Variants in COL15A1 observed in about 807,000 individuals in gnomAD.
The protein encoded by COL15A1 is collagen alpha-1(XV) chain.
Under a neutral mutation model 165.9 loss-of-function variants are expected in COL15A1, and 111 were observed. The observed-to-expected ratio is 0.67, with a 90% CI of 0.57 to 0.78. The LOEUF is 0.78. Ranked by LOEUF, COL15A1 falls within the 30% of genes least tolerant of loss-of-function variation. The pLI, the probability that COL15A1 is intolerant of heterozygous loss-of-function variation, is 0.00. For synonymous variants in COL15A1, 659 were observed against 674.8 expected, an observed-to-expected ratio of 0.98 and a Z score of 0.36; for missense variants, 1,745 against 1,789.7, an observed-to-expected ratio of 0.98 and a Z score of 0.45.
At chr9:98,963,123 A>C (rs1465094748) in intron 2 of COL15A1, among the ~76,000 whole-genome samples, 2 of 152,236 alleles carry the variant, frequency 1.3e-5, no homozygotes, top group Non-Finnish European at 2.9e-5. Flanking sequence ...GCTCAGGTTC[A>C]AGATTTCCAA....
At position 99,044,758 on chromosome 9, in the gene COL15A1, C is replaced by G. The variant is rs1446000662; in HGVS notation, c.2667C>G (p.Ala889=). The G allele has an allele frequency of 6.2e-7, 1 of 1,613,750 alleles. No individual in the cohort carries two copies. The highest frequency in any genetic ancestry group is 2.2e-5 in the East Asian group (1 of 44,888). ...GKKGEPGMHG[A]PGPMGPKGPP... Reference sequence around the variant, plus strand: ...AGGGTGAACCTGGAATGCATGGAGCCCCAGGACCAATGGTAAGTCAGAGCG... The same window carrying G: ...AGGGTGAACCTGGAATGCATGGAGCGCCAGGACCAATGGTAAGTCAGAGCG... The change falls in exon 26 of 42, where the codon GCC becomes GCG. Residue 889 remains alanine, a synonymous_variant. Coordinates refer to ENST00000375001, the MANE Select transcript of COL15A1 (RefSeq NM_001855.5).
At chr9:98,959,516 A>G (rs1174062712) in intron 2 of COL15A1, among the ~76,000 whole-genome samples, 2 of 152,194 alleles carry the variant, frequency 1.3e-5, no homozygotes, top group Non-Finnish European at 2.9e-5. Flanking sequence ...CTCAAATGGA[A>G]CCACTCTTAG....
chr9:98,956,886 C>T (rs1216110482), intron 2 of COL15A1, among the ~76,000 whole-genome samples: 2 of 152,224 alleles, frequency 1.3e-5, no homozygotes, highest in South Asian at 2.1e-4. Flanking sequence ...CTCGGTGATT[C>T]GTGTGCACTT....
chr9:99,022,856 G>A (rs1045923248), intron 13 of COL15A1, among the ~76,000 whole-genome samples: 4 of 152,220 alleles, frequency 2.6e-5, no homozygotes, highest in Non-Finnish European at 5.9e-5. Context: ...TGCACTGAGG[G>A]CTCTCTGGGT....
At chr9:99,044,358 AT>A (rs1478599589) in intron 24 of COL15A1, among the ~76,000 whole-genome samples, 3 of 152,140 alleles carry the variant, frequency 2.0e-5, no homozygotes, top group Non-Finnish European at 4.4e-5. Flanking sequence ...GAGAACATTC[AT>A]TCATTTAGGA....
chr9:99,006,383 G>A (rs888144861), intron 9 of COL15A1, among the ~76,000 whole-genome samples: 8 of 152,258 alleles, frequency 5.3e-5, no homozygotes, highest in Non-Finnish European at 1.0e-4. Context: ...TGCTGAGTGA[G>A]TGAATGGCTG....
chr9:99,023,275 A>T, intron 13 of COL15A1, 82 bp from the exon 14 acceptor site: 3 of 1,483,580 alleles, frequency 2.0e-6, no homozygotes, highest in Non-Finnish European at 2.7e-6. Context: ...ACATTTCCCC[A>T]TTTTGGAGAA....
intron 13 of COL15A1, among the ~76,000 whole-genome samples, chr9:99,022,463 G>A (rs556475784): frequency 6.6e-6 from 1 of 152,252 alleles, no homozygotes; most frequent in South Asian, 2.1e-4. Context: ...CCATCTATGT[G>A]GTCACCAAGA....
chr9:99,054,697 G>C, intron 32 of COL15A1, 41 bp downstream of exon 32: 1 of 1,584,958 alleles, frequency 6.3e-7, no homozygotes, highest in Non-Finnish European at 8.6e-7. Flanking sequence ...TTGATTTTTT[G>C]CTCCTGAGAA....
rs777102192 is a variant in COL15A1 at position 99,035,425 on chromosome 9, C to T, written c.2289+7C>T. On this transcript the variant is annotated splice_region_variant and intron_variant, in intron 19 of 41. Transcript: ENST00000375001. ...CAGACCAACGGCTGCAATTGTAGGT[C>T]GCCTCTGAAACCTTCATTATGAGGG... 39 of 1,613,970 alleles carry T rather than the reference C, an allele frequency of 2.4e-5. No individual in the cohort carries two copies. The highest frequency in any genetic ancestry group is 6.7e-5 in the African/African-American group (5 of 74,924).
In COL15A1 at chr9:99,063,090, C is replaced by T. The variant is rs185270581; in HGVS notation, c.3632C>T (p.Ala1211Val). ...LLPPPNPISS[A>V]NYEKPALHLA... ...CCTCCACCAAACCCTATTTCAAGTG[C>T]CAATTATGAGAAGCCTGCTGTAAGT... Residue 1211 changes from alanine to valine, a missense_variant, in exon 39 of 42, where the codon GCC becomes GTC. Coordinates refer to ENST00000375001, the MANE Select transcript of COL15A1 (RefSeq NM_001855.5). 1.1e-3 allele frequency: 1,700 copies of T among 1,581,698 alleles called. 24 individuals carry two copies. In the South Asian group the frequency reaches 0.011, roughly 10 times the overall value.
intron 2 of COL15A1, among the ~76,000 whole-genome samples, chr9:98,961,149 T>A (rs1298805574): frequency 1.3e-5 from 2 of 152,220 alleles, no homozygotes; most frequent in African/African-American, 2.4e-5. Context: ...TCCATTTGTT[T>A]ACCCACTTTT....
At position 99,016,082 on chromosome 9, in the gene COL15A1, C is replaced by T. The variant is rs769129418; in HGVS notation, c.1610C>T (p.Pro537Leu). ...CCTCCCCCTGATGGGCCACCGCTGC[C>T]CCTGCCCACAGTGGCTCCTGAAAGA... ...GSPPPDGPPL[P>L]LPTVAPERWI... The change falls in exon 11 of 42, where the codon CCC becomes CTC. Residue 537 changes from proline (P) to leucine (L), a missense_variant. Pro to Leu is a moderately conservative substitution (Grantham distance 98, BLOSUM62 -3). Transcript: ENST00000375001. 1.2e-5 allele frequency: 19 copies of T among 1,613,654 alleles called. No individual in the cohort carries two copies. The South Asian group carries it at 2.1e-4, about 18-fold the overall frequency.
chr9:99,060,061 T>C (rs1825784740), intron 36 of COL15A1, 108 bp downstream of exon 36: 1 of 1,184,068 alleles, frequency 8.4e-7, no homozygotes, highest in Non-Finnish European at 1.2e-6. Context: ...CAGGCCTTCA[T>C]GATAGTAGGC....
At position 99,001,696 on chromosome 9, in the gene COL15A1, T is replaced by C. The variant is rs535762055; in HGVS notation, c.1065+745T>C. Reference sequence around the variant, plus strand: ...TATTTTCTTACTTCTCTCTCCTCCTTATCCTCATGATCTCCCCATCCTCTA... The same window carrying C: ...TATTTTCTTACTTCTCTCTCCTCCTCATCCTCATGATCTCCCCATCCTCTA... On this transcript the variant is annotated intron_variant, in intron 7 of 41. Coordinates refer to ENST00000375001, the MANE Select transcript of COL15A1 (RefSeq NM_001855.5). Among the ~76,000 whole-genome samples the C allele has an allele frequency of 3.3e-5, 5 of 152,296 alleles. No homozygotes were observed. The South Asian group carries it at 1.0e-3, about 32-fold the overall frequency.
At chr9:99,069,604 A>G (rs1017819508) in intron 41 of COL15A1, 69 bp from the exon 42 acceptor site, 1 of 1,565,260 alleles carries the variant, frequency 6.4e-7, no homozygotes, top group African/African-American at 1.4e-5. Flanking sequence ...ACTTATGCCA[A>G]TTTGCTTACC....
chr9:99,048,816 G>C (rs956495371), intron 28 of COL15A1, among the ~76,000 whole-genome samples: 1 of 150,838 alleles, frequency 6.6e-6, no homozygotes, highest in Non-Finnish European at 1.5e-5. Context: ...CAGGGATCTT[G>C]TTTTACATAA....
intron 35 of COL15A1, 98 bp downstream of exon 35, chr9:99,056,502 G>A: frequency 6.8e-6 from 10 of 1,471,732 alleles, no homozygotes; most frequent in Non-Finnish European, 9.0e-6. Context: ...CTGCCTAACA[G>A]AGGGCTTTCC....
intron 41 of COL15A1, among the ~76,000 whole-genome samples, chr9:99,069,195 G>T (rs1014542854): frequency 2.0e-5 from 3 of 152,188 alleles, no homozygotes; most frequent in Non-Finnish European, 4.4e-5. Flanking sequence ...CTTTTACAGG[G>T]CTCACAGTCT....
Sources: gnomAD v4.1 joint callset for allele counts (sites outside exome capture counted in the v4.1 genomes callset) on GRCh38, gnomAD v4.1.1 for gene constraint, MANE v1.5 for transcripts, NCBI Gene and HGNC (gene_info 2026-07-23, HGNC 2026-07-21) for gene names.